Variants in LINC00305 observed in about 807,000 individuals in gnomAD.
The protein encoded by LINC00305 is long independently transcribed non-coding RNA 305.
At chr18:64,081,230 G>C (rs1011906347) in intron 3 of LINC00305, among the ~76,000 whole-genome samples, 2 of 152,238 alleles carry the variant, frequency 1.3e-5, no homozygotes, top group African/African-American at 4.8e-5. Flanking sequence ...TCTGCAAATA[G>C]AGTATATCTA....
At chr18:64,082,612 C>G (rs2144890152) in intron 3 of LINC00305, among the ~76,000 whole-genome samples, 1 of 152,336 alleles carries the variant, frequency 6.6e-6, no homozygotes, top group South Asian at 2.1e-4. Flanking sequence ...ACCAGGAATT[C>G]ACATCACTGG....
In LINC00305 at chr18:64,139,175, C is replaced by G. The variant is rs566154211; in HGVS notation, n.314+9600G>C. Among the ~76,000 whole-genome samples the G allele has an allele frequency of 4.6e-5, 7 of 152,324 alleles. No individual in the cohort carries two copies. The South Asian group carries it at 1.5e-3, about 32-fold the overall frequency. On this transcript the variant is annotated intron_variant and non_coding_transcript_variant, in intron 1 of 3. Transcript: ENST00000666468. ...ATACTTTTTAGCAAACAGCTCAATT[C>G]TTAATCTCCTGAAAATCAAGGAACC...
At chr18:64,143,746 C>T (rs1322328118) in intron 1 of LINC00305, among the ~76,000 whole-genome samples, 12 of 69,358 alleles carry the variant, frequency 1.7e-4, no homozygotes, top group African/African-American at 3.9e-4. Flanking sequence ...ACATATTATG[C>T]GTACATGTAT....
rs535462517 is a variant in LINC00305 at position 64,080,598 on chromosome 18, G to A, written n.541-196C>T. Among the ~76,000 whole-genome samples the A allele has an allele frequency of 3.9e-5, 6 of 152,188 alleles. No individual in the cohort carries two copies. The South Asian group carries it at 1.2e-3, about 32-fold the overall frequency. On this transcript the variant is annotated intron_variant and non_coding_transcript_variant, in intron 3 of 3. Coordinates refer to ENST00000666468, the Ensembl canonical transcript of LINC00305. ...TTATCTATACCAGGATTTTATCATAGAATTAGTCATAAAGCAGAAACTAGA... is the reference window on the plus strand; with the variant it reads ...TTATCTATACCAGGATTTTATCATAAAATTAGTCATAAAGCAGAAACTAGA...
At chr18:64,107,355 G>A (rs182223055) in intron 1 of LINC00305, among the ~76,000 whole-genome samples, 2 of 152,320 alleles carry the variant, frequency 1.3e-5, no homozygotes, top group African/African-American at 4.8e-5. Context: ...TAAGGGGGAG[G>A]ACTGTGACCT....
At chr18:64,108,854 C>G (rs541533022) in intron 1 of LINC00305, among the ~76,000 whole-genome samples, 1 of 152,026 alleles carries the variant, frequency 6.6e-6, no homozygotes, top group Non-Finnish European at 1.5e-5. Context: ...GCAAAGACTG[C>G]GAAGTATTTA....
chr18:64,123,868 G>C (rs182792254), intron 1 of LINC00305, among the ~76,000 whole-genome samples: 56 of 152,086 alleles, frequency 3.7e-4, no homozygotes, highest in African/African-American at 1.3e-3. Flanking sequence ...TTACTTGAGA[G>C]CTGGCTGTTA....
chr18:64,143,565 TATACACATATGTATATGTAC>T (rs1442843542), intron 1 of LINC00305, among the ~76,000 whole-genome samples: 6 of 4,158 alleles, frequency 1.4e-3, no homozygotes, highest in Non-Finnish European at 3.1e-3. Context: ...TGTGTACATA[TATACACATATGTATATGTAC>T]ATATGTACAC....
chr18:64,114,046 G>A (rs948375743), intron 1 of LINC00305, among the ~76,000 whole-genome samples: 1 of 152,188 alleles, frequency 6.6e-6, no homozygotes, highest in Non-Finnish European at 1.5e-5. Flanking sequence ...GAGGCGGGCG[G>A]ATCACAAGAT....
intron 1 of LINC00305, among the ~76,000 whole-genome samples, chr18:64,134,639 T>C (rs1268863390): frequency 1.3e-5 from 2 of 152,214 alleles, no homozygotes; most frequent in Non-Finnish European, 2.9e-5. Context: ...CTGGATATTA[T>C]GACAGCTGTT....
At chr18:64,093,774 T>C (rs1431885546) in intron 3 of LINC00305, among the ~76,000 whole-genome samples, 1 of 152,152 alleles carries the variant, frequency 6.6e-6, no homozygotes, top group African/African-American at 2.4e-5. Flanking sequence ...GGCTTAAAGA[T>C]AGAGCATATG....
At chr18:64,093,805 C>T (rs1291148630) in intron 3 of LINC00305, among the ~76,000 whole-genome samples, 1 of 152,138 alleles carries the variant, frequency 6.6e-6, no homozygotes, top group Non-Finnish European at 1.5e-5. Flanking sequence ...GCAGCATAGC[C>T]ACCCATCCCT....
intron 1 of LINC00305, among the ~76,000 whole-genome samples, chr18:64,101,909 T>G (rs942183524): frequency 1.3e-5 from 2 of 151,874 alleles, no homozygotes; most frequent in East Asian, 3.9e-4. Flanking sequence ...TGCTTGAATG[T>G]GGCTGACTCT....
intron 1 of LINC00305, among the ~76,000 whole-genome samples, chr18:64,110,608 A>C (rs939722137): frequency 6.6e-6 from 1 of 152,142 alleles, no homozygotes. Flanking sequence ...GGCACAGAGG[A>C]CTTGGGGATC....
chr18:64,145,219 A>C (rs531209131), intron 1 of LINC00305, among the ~76,000 whole-genome samples: 1 of 152,310 alleles, frequency 6.6e-6, no homozygotes, highest in South Asian at 2.1e-4. Context: ...TGATGCACAC[A>C]CTATATTGTA....
intron 2 of LINC00305, chr18:64,098,553 A>G: frequency 6.8e-6 from 3 of 440,506 alleles, no homozygotes; most frequent in South Asian, 5.0e-5. Context: ...AACTTTAAAG[A>G]AAGAATTTGA....
chr18:64,097,971 T>A (rs1274593262), exon 3 of LINC00305: 1 of 457,812 alleles, frequency 2.2e-6, no homozygotes, highest in Admixed American at 2.3e-5. Flanking sequence ...TCCCTTTTCA[T>A]CTTTGCAGGT....
intron 3 of LINC00305, among the ~76,000 whole-genome samples, chr18:64,094,374 T>C (rs958866084): frequency 6.6e-6 from 1 of 152,082 alleles, no homozygotes; most frequent in African/African-American, 2.4e-5. Context: ...TTCCCTTATT[T>C]GGAGTGGTGA....
At chr18:64,136,056 C>T (rs1439365102) in intron 1 of LINC00305, among the ~76,000 whole-genome samples, 1 of 152,204 alleles carries the variant, frequency 6.6e-6, no homozygotes, top group Non-Finnish European at 1.5e-5. Flanking sequence ...CAGACTACCC[C>T]TTCTGGAGGG....
Sources: allele counts gnomAD v4.1 joint callset (sites outside exome capture counted in the v4.1 genomes callset), GRCh38; gene constraint gnomAD v4.1.1; transcripts MANE v1.5; gene names NCBI Gene and HGNC (gene_info 2026-07-23, HGNC 2026-07-21).